KIAA1549: variants seen among roughly 807,000 people sequenced by gnomAD.
KIAA1549 encodes UPF0606 protein KIAA1549.
KIAA1549 carries 70 observed loss-of-function variants against 156.4 expected under a neutral mutation model. The ratio of observed to expected loss-of-function variants is 0.45; its 90% CI spans 0.37 to 0.55. The LOEUF (loss-of-function observed/expected upper bound fraction) is 0.55. Among genes scored for constraint, KIAA1549 ranks in the 20% least tolerant of loss-of-function variants. The pLI, the probability that KIAA1549 is intolerant of heterozygous loss-of-function variation, is 0.00. For synonymous variants in KIAA1549, 1,103 were observed against 1,066.4 expected, an observed-to-expected ratio of 1.03 and a Z score of -0.67; for missense variants, 2,428 against 2,540.9, an observed-to-expected ratio of 0.96 and a Z score of 0.96.
chr7:138,930,712 G>A (rs1812844042), intron 1 of KIAA1549, among the ~76,000 whole-genome samples: 1 of 152,230 alleles, frequency 6.6e-6, no homozygotes, highest in Non-Finnish European at 1.5e-5. Context: ...GAATGTTGCA[G>A]CTGATTTAAT....
intron 1 of KIAA1549, among the ~76,000 whole-genome samples, chr7:138,959,024 C>T (rs1488516840): frequency 6.6e-6 from 1 of 152,104 alleles, no homozygotes; most frequent in Non-Finnish European, 1.5e-5. Context: ...CTCAGCCCCC[C>T]GAGTAGCTGG....
intron 1 of KIAA1549, among the ~76,000 whole-genome samples, chr7:138,930,061 G>C (rs987612188): frequency 1.1e-4 from 16 of 152,200 alleles, no homozygotes; most frequent in African/African-American, 3.9e-4. Flanking sequence ...TGTGTTAACA[G>C]GCATGAAAGC....
rs767291577 is a variant in KIAA1549 at position 138,894,469 on chromosome 7, A to G, written c.3905T>C (p.Ile1302Thr). The G allele has an allele frequency of 3.7e-6, 6 of 1,614,026 alleles. No individual in the cohort carries two copies. The Admixed American group carries it at 6.7e-5, about 18-fold the overall frequency. The change falls in exon 10 of 20, where the codon ATT (isoleucine) becomes ACT (threonine). Residue 1302 changes from isoleucine (I) to threonine (T), a missense_variant. Coordinates refer to ENST00000422774, the MANE Select transcript of KIAA1549 (RefSeq NM_001164665.2). ...PESQSNNLWVIVGVVIPVLVV... is the reference protein window; with the variant it reads ...PESQSNNLWVTVGVVIPVLVV... ...CAGCACTGGGATGACCACGCCAACA[A>G]TGACCCACAAGTTGTTGCTCTGGGA...
In KIAA1549 at chr7:138,831,869, C is replaced by T. The variant is rs538107066; in HGVS notation, c.*6037G>A. 21 of 232,818 alleles carry T rather than the reference C, an allele frequency of 9.0e-5. No individual in the cohort carries two copies. Among genetic ancestry groups the T allele is most frequent in the Admixed American group, 9.0e-4 (16 of 17,776 alleles). 14.4% of individuals were successfully genotyped at this position (232,818 alleles called of 1,614,324 possible). The stretch of plus-strand genomic sequence containing the variant: ...CTCCGGAGGAGGGCAAAGTCGAGGG[C>T]GTTCCCACTCCCCTTTTCTGAAACA... On this transcript the variant is annotated 3_prime_UTR_variant, in exon 20 of 20. Transcript: ENST00000422774.
At chr7:138,882,284 C>T (rs1811267049) in intron 10 of KIAA1549, among the ~76,000 whole-genome samples, 1 of 152,126 alleles carries the variant, frequency 6.6e-6, no homozygotes, top group African/African-American at 2.4e-5. Flanking sequence ...AGGGATCAGG[C>T]AGAAAGACCT....
At chr7:138,867,563 AAAAT>A (rs1810784805) in intron 15 of KIAA1549, among the ~76,000 whole-genome samples, 1 of 128,568 alleles carries the variant, frequency 7.8e-6, no homozygotes, top group African/African-American at 3.5e-5. Flanking sequence ...CCAAAAAAAA[AAAAT>A]AATAAAAATA....
chr7:138,967,248 A>C (rs1284876896), intron 1 of KIAA1549, among the ~76,000 whole-genome samples: 1 of 152,222 alleles, frequency 6.6e-6, no homozygotes, highest in Non-Finnish European at 1.5e-5. Flanking sequence ...ATGCACAGAC[A>C]AATATGTAGA....
chr7:138,910,939 GGAGGATTGTTC>G lies in KIAA1549; in HGVS notation c.3145+196_3145+206del, dbSNP rs569066267. On this transcript the variant is annotated intron_variant, in intron 4 of 19. Transcript: ENST00000422774. ...CCTAACTACTCAGGAGGCTGAGGCA[GGAGGATTGTTC>G]GAGCTCAGGGGTTCAAGGCTACAGT... is the stretch of plus-strand genomic sequence containing the variant. Among the ~76,000 whole-genome samples the G allele has an allele frequency of 7.5e-4, 114 of 152,162 alleles. 3 individuals carry two copies. Among genetic ancestry groups the G allele is most frequent in the Admixed American group, 7.5e-3 (114 of 15,298 alleles).
chr7:138,925,647 G>A (rs138328200), intron 1 of KIAA1549, among the ~76,000 whole-genome samples: 10 of 151,908 alleles, frequency 6.6e-5, no homozygotes, highest in African/African-American at 2.2e-4. Flanking sequence ...TCTGGGCAAC[G>A]TGGCGAAACC....
chr7:138,947,305 C>G (rs1301839953), intron 1 of KIAA1549, among the ~76,000 whole-genome samples: 2 of 152,196 alleles, frequency 1.3e-5, no homozygotes, highest in Non-Finnish European at 2.9e-5. Context: ...GAAGCACCTT[C>G]CGTCAGTACA....
At chr7:138,973,829 A>C (rs1814294400) in intron 1 of KIAA1549, among the ~76,000 whole-genome samples, 2 of 152,176 alleles carry the variant, frequency 1.3e-5, no homozygotes, top group South Asian at 4.1e-4. Context: ...ACTTTTGTAG[A>C]AACAAGGTCT....
At chr7:138,960,770 C>T (rs1423683215) in intron 1 of KIAA1549, among the ~76,000 whole-genome samples, 4 of 152,168 alleles carry the variant, frequency 2.6e-5, no homozygotes, top group African/African-American at 7.2e-5. Context: ...CCATATTGCA[C>T]GTGCTTTTCT....
At chr7:138,854,229 C>T (rs370969601) in intron 16 of KIAA1549, among the ~76,000 whole-genome samples, 7 of 152,252 alleles carry the variant, frequency 4.6e-5, no homozygotes, top group East Asian at 1.9e-4. Flanking sequence ...CAGTATAAAA[C>T]ACAGGCCGAC....
At chr7:138,840,497 C>T (rs911929120) in intron 18 of KIAA1549, among the ~76,000 whole-genome samples, 25 of 151,902 alleles carry the variant, frequency 1.6e-4, no homozygotes, top group African/African-American at 5.6e-4. Context: ...CACCACGAAG[C>T]GGTAGGAAAA....
intron 16 of KIAA1549, among the ~76,000 whole-genome samples, chr7:138,857,194 C>T (rs1325002374): frequency 2.0e-5 from 3 of 152,048 alleles, no homozygotes; most frequent in African/African-American, 7.3e-5. Context: ...ATTTCTCTCC[C>T]CCTCACTCTC....
At position 138,869,663 on chromosome 7, in the gene KIAA1549, T is replaced by C. The variant is rs750634364; in HGVS notation, c.4650A>G (p.Val1550=). ...TAGTGTCGCCCGAGGACAGGTCGTC[T>C]ACCACCGGGAACTCGTAGTGCCCGC... The part of the protein sequence containing the change: ...KRRGHYEFPV[V]DDLSSGDTKE... Residue 1550 remains valine (V), a synonymous_variant, in exon 14 of 20, where the codon GTA becomes GTG. Coordinates refer to ENST00000422774, the MANE Select transcript of KIAA1549 (RefSeq NM_001164665.2). 6.8e-6 allele frequency: 11 copies of C among 1,612,066 alleles called. No homozygotes were observed. Among genetic ancestry groups the C allele is most frequent in the Non-Finnish European group, 9.3e-6 (11 of 1,179,792 alleles).
chr7:138,901,981 T>G (rs1363063026), intron 8 of KIAA1549, among the ~76,000 whole-genome samples: 1 of 152,186 alleles, frequency 6.6e-6, no homozygotes, highest in Admixed American at 6.5e-5. Context: ...TTTCACGGTG[T>G]CCTATAACTA....
chr7:138,933,324 C>CCATGTTGCT (rs1205303319), intron 1 of KIAA1549, among the ~76,000 whole-genome samples: 17 of 152,306 alleles, frequency 1.1e-4, no homozygotes, highest in Non-Finnish European at 1.9e-4. Context: ...GTTTCCTCTA[C>CCATGTTGCT]TCATGAGGAA....
intron 3 of KIAA1549, among the ~76,000 whole-genome samples, chr7:138,911,693 G>A (rs1812174252): frequency 6.6e-6 from 1 of 152,032 alleles, no homozygotes; most frequent in African/African-American, 2.4e-5. Context: ...ATAAGAACAG[G>A]TGAAATTAAT....
Sources: gnomAD v4.1 joint callset for allele counts (sites outside exome capture counted in the v4.1 genomes callset) on GRCh38, gnomAD v4.1.1 for gene constraint, MANE v1.5 for transcripts, NCBI Gene and HGNC (gene_info 2026-07-23, HGNC 2026-07-21) for gene names.